Variants in KCNH1 observed in about 807,000 individuals in gnomAD.
KCNH1 encodes voltage-gated delayed rectifier potassium channel KCNH1.
Under a neutral mutation model 69.2 loss-of-function variants are expected in KCNH1, and 27 were observed. That is an observed-to-expected ratio of 0.39 (90% confidence interval 0.29 to 0.54). The LOEUF is 0.54. Among genes scored for constraint, KCNH1 ranks in the 20% least tolerant of loss-of-function variants. The probability of loss-of-function intolerance (pLI) is 0.68; values close to 1 mark genes in which losing one functional copy is unlikely to be tolerated. For synonymous variants in KCNH1, 456 were observed against 487.7 expected, an observed-to-expected ratio of 0.93 and a Z score of 0.86; for missense variants, 798 against 1,261.6, an observed-to-expected ratio of 0.63 and a Z score of 5.57.
At chr1:210,877,906 AAC>A (rs1412544777) in intron 7 of KCNH1, among the ~76,000 whole-genome samples, 1 of 152,170 alleles carries the variant, frequency 6.6e-6, no homozygotes, top group Non-Finnish European at 1.5e-5. Context: ...GTGTAAGTCA[AAC>A]ATAGATGCAA....
At chr1:211,076,705 C>T (rs887742406) in intron 5 of KCNH1, among the ~76,000 whole-genome samples, 2 of 152,232 alleles carry the variant, frequency 1.3e-5, no homozygotes, top group Admixed American at 1.3e-4. Context: ...CTCTTCTCCT[C>T]CAAAGGATCG....
intron 5 of KCNH1, among the ~76,000 whole-genome samples, chr1:211,057,776 G>A (rs759670700): frequency 1.6e-4 from 24 of 151,650 alleles, no homozygotes; most frequent in Non-Finnish European, 2.9e-4. Context: ...GAGATGGGAC[G>A]ACAGATCCGA....
intron 7 of KCNH1, among the ~76,000 whole-genome samples, chr1:210,863,776 C>T (rs977362316): frequency 2.0e-5 from 3 of 152,160 alleles, no homozygotes; most frequent in African/African-American, 7.2e-5. Flanking sequence ...GAACTGTGTC[C>T]TTCCTTCTCA....
chr1:211,020,209 G>T (rs930343455), intron 5 of KCNH1, among the ~76,000 whole-genome samples: 9 of 151,644 alleles, frequency 5.9e-5, no homozygotes, highest in Admixed American at 5.3e-4. Flanking sequence ...GAAATGACAA[G>T]CTGGGTTTTT....
chr1:210,944,343 T>C (rs1687921898), intron 6 of KCNH1, among the ~76,000 whole-genome samples: 2 of 152,278 alleles, frequency 1.3e-5, no homozygotes, highest in South Asian at 2.1e-4. Flanking sequence ...TAGGACACAA[T>C]CCCATGTTTG....
chr1:210,891,718 A>G (rs1354161605), intron 7 of KCNH1, among the ~76,000 whole-genome samples: 1 of 152,182 alleles, frequency 6.6e-6, no homozygotes, highest in African/African-American at 2.4e-5. Flanking sequence ...TACTGGGTAT[A>G]TACCCAAAGG....
chr1:210,858,498 C>T (rs1345113598), intron 7 of KCNH1: 1 of 152,166 alleles, frequency 6.6e-6, no homozygotes, highest in African/African-American at 2.4e-5. Context: ...TTATAAACAG[C>T]AAACATTTTG....
At chr1:210,891,140 C>T (rs1686740495) in intron 7 of KCNH1, among the ~76,000 whole-genome samples, 1 of 152,124 alleles carries the variant, frequency 6.6e-6, no homozygotes, top group Non-Finnish European at 1.5e-5. Context: ...GGAACCAACC[C>T]AAGTGTCCAT....
chr1:210,786,352 C>T (rs1257651674), intron 9 of KCNH1, among the ~76,000 whole-genome samples: 1 of 152,184 alleles, frequency 6.6e-6, no homozygotes, highest in Non-Finnish European at 1.5e-5. Flanking sequence ...ATGTGTTTTA[C>T]AATCCATGAC....
chr1:211,131,533 A>G (rs1436257918), intron 1 of KCNH1, among the ~76,000 whole-genome samples: 1 of 152,204 alleles, frequency 6.6e-6, no homozygotes, highest in African/African-American at 2.4e-5. Context: ...ATCATAAAAT[A>G]TTGCTATTCA....
intron 6 of KCNH1, among the ~76,000 whole-genome samples, chr1:211,006,116 A>G (rs1427215726): frequency 3.9e-5 from 6 of 152,202 alleles, no homozygotes; most frequent in Non-Finnish European, 8.8e-5. Flanking sequence ...AAGGAAGTAA[A>G]GCAGTGGAAA....
intron 7 of KCNH1, among the ~76,000 whole-genome samples, chr1:210,823,509 T>G (rs944558221): frequency 6.6e-6 from 1 of 152,190 alleles, no homozygotes; most frequent in Non-Finnish European, 1.5e-5. Flanking sequence ...CACATGTTAA[T>G]CCATTTGGAC....
intron 1 of KCNH1, among the ~76,000 whole-genome samples, chr1:211,123,880 C>A (rs963525883): frequency 2.6e-5 from 4 of 151,922 alleles, no homozygotes; most frequent in Non-Finnish European, 2.9e-5. Flanking sequence ...AACCAGGAAA[C>A]CCGGAAATAT....
At chr1:210,923,376 T>C (rs1687503463) in intron 6 of KCNH1, among the ~76,000 whole-genome samples, 1 of 152,224 alleles carries the variant, frequency 6.6e-6, no homozygotes, top group South Asian at 2.1e-4. Context: ...GTGGCAGTCA[T>C]TCATAGAGAT....
chr1:211,068,360 T>C (rs1227162712), intron 5 of KCNH1, among the ~76,000 whole-genome samples: 2 of 152,208 alleles, frequency 1.3e-5, no homozygotes, highest in Non-Finnish European at 2.9e-5. Flanking sequence ...TCTCTTCTAA[T>C]AACAAAGTAA....
At chr1:210,911,780 T>C (rs1687237418) in intron 7 of KCNH1, among the ~76,000 whole-genome samples, 1 of 152,260 alleles carries the variant, frequency 6.6e-6, no homozygotes, top group East Asian at 1.9e-4. Flanking sequence ...AGTGCAGTAA[T>C]CCAGCTATGA....
chr1:211,128,497 G>C (rs941350306), intron 1 of KCNH1, among the ~76,000 whole-genome samples: 2 of 152,018 alleles, frequency 1.3e-5, no homozygotes, highest in Admixed American at 1.3e-4. Context: ...AAGCAAGAAA[G>C]TGATCACCAT....
At chr1:210,997,148 C>T (rs1002267103) in intron 6 of KCNH1, among the ~76,000 whole-genome samples, 1 of 152,178 alleles carries the variant, frequency 6.6e-6, no homozygotes, top group African/African-American at 2.4e-5. Context: ...AGCAACGGAA[C>T]AAAGCTGGAC....
At chr1:211,108,742 C>T (rs1309068111) in intron 1 of KCNH1, 1 of 152,202 alleles carries the variant, frequency 6.6e-6, no homozygotes, top group Non-Finnish European at 1.5e-5. Flanking sequence ...TTAAAAGGAA[C>T]AGAAAATACA....
Sources: allele counts gnomAD v4.1 joint callset (sites outside exome capture counted in the v4.1 genomes callset), GRCh38; gene constraint gnomAD v4.1.1; transcripts MANE v1.5; gene names NCBI Gene and HGNC (gene_info 2026-07-23, HGNC 2026-07-21).